The following TCF4 variants were observed in gnomAD, a reference collection of about 807,000 sequenced individuals.
The protein encoded by TCF4 is SL3-3 enhancer factor 2.
TCF4 carries 3 observed loss-of-function variants against 82.1 expected under a neutral mutation model. The observed-to-expected ratio is 0.04, with a 90% confidence interval of 0.02 to 0.09. The LOEUF (loss-of-function observed/expected upper bound fraction) is 0.09, where lower values mean the gene tolerates loss of function less well. Among genes scored for constraint, TCF4 ranks in the 10% least tolerant of loss-of-function variants. The pLI is 1.00. For missense variants in TCF4, 518 were observed against 852.7 expected (o/e 0.61, Z 4.89); for synonymous variants, 276 against 309.6 (o/e 0.89, Z 1.14).
At chr18:55,508,796 T>C (rs1225259666) in intron 3 of TCF4, among the ~76,000 whole-genome samples, 1 of 152,254 alleles carries the variant, frequency 6.6e-6, no homozygotes, top group Non-Finnish European at 1.5e-5. Flanking sequence ...AATAACAAAC[T>C]GCAAATAACA....
chr18:55,532,228 T>G lies in TCF4; in HGVS notation c.145+53052A>C, dbSNP rs150005198. 8.8e-3 allele frequency among the ~76,000 whole-genome samples: 1,334 copies of G among 152,304 alleles called. 5 individuals carry two copies. Among genetic ancestry groups the G allele is most frequent in the Non-Finnish European group, 0.013 (861 of 68,026 alleles). On this transcript the variant is annotated intron_variant, in intron 3 of 19. Transcript: ENST00000354452. ...GAAGTGAATCTTCAATGAACAACCA[T>G]CAGTTCTGGTGATATGATTAAATAT...
intron 6 of TCF4, among the ~76,000 whole-genome samples, chr18:55,372,990 CT>C (rs1028683045): frequency 2.0e-5 from 3 of 151,716 alleles, no homozygotes; most frequent in Admixed American, 2.0e-4. Context: ...AAAAAAAGAC[CT>C]TTTTTTAAGC....
At chr18:55,254,876 C>A (rs571724513) in intron 14 of TCF4, among the ~76,000 whole-genome samples, 176 bp from the exon 15 acceptor site, 1 of 152,044 alleles carries the variant, frequency 6.6e-6, no homozygotes, top group Non-Finnish European at 1.5e-5. Context: ...ACTGGTAGAA[C>A]GTGTTAATGT....
At chr18:55,560,165 C>T (rs551340576) in intron 3 of TCF4, among the ~76,000 whole-genome samples, 3 of 152,202 alleles carry the variant, frequency 2.0e-5, no homozygotes, top group South Asian at 2.1e-4. Context: ...GCTGTACAGA[C>T]GATTTCCGTA....
chr18:55,382,449 T>A (rs75284789), intron 6 of TCF4, among the ~76,000 whole-genome samples: 78 of 152,268 alleles, frequency 5.1e-4, no homozygotes, highest in Non-Finnish European at 8.1e-4. Flanking sequence ...AAGTTGCCAA[T>A]TGAATTGGCA....
At chr18:55,369,804 CT>C (rs1365461386) in intron 6 of TCF4, among the ~76,000 whole-genome samples, 1 of 152,182 alleles carries the variant, frequency 6.6e-6, no homozygotes, top group Admixed American at 6.5e-5. Flanking sequence ...AATTCAGTAG[CT>C]TACTAAACCG....
intron 8 of TCF4, among the ~76,000 whole-genome samples, chr18:55,336,764 C>G (rs985721926): frequency 1.3e-5 from 2 of 152,078 alleles, no homozygotes; most frequent in Non-Finnish European, 2.9e-5. Flanking sequence ...GAAAATTCTG[C>G]TATTAAGAAT....
At chr18:55,552,138 C>G (rs1420341147) in intron 3 of TCF4, among the ~76,000 whole-genome samples, 3 of 152,184 alleles carry the variant, frequency 2.0e-5, no homozygotes, top group Non-Finnish European at 4.4e-5. Flanking sequence ...TCTAGGATTG[C>G]TTTTGGTCTA....
rs567407899 is a variant in TCF4 at position 55,232,870 on chromosome 18, T to C, written c.1487-199A>G. On this transcript the variant is annotated intron_variant, in intron 16 of 19. Transcript: ENST00000354452. ...TCCCTGCATTGGCTCTAAGGTTAAA[T>C]TCTATTTTGCAATCTTTTGGAGTAG... is the stretch of plus-strand genomic sequence containing the variant. Among the ~76,000 whole-genome samples the C allele has an allele frequency of 2.6e-5, 4 of 152,362 alleles. No individual in the cohort carries two copies. The East Asian group carries it at 7.7e-4, about 29-fold the overall frequency.
intron 6 of TCF4, among the ~76,000 whole-genome samples, chr18:55,387,403 C>T (rs1027257915): frequency 6.6e-6 from 1 of 152,226 alleles, no homozygotes; most frequent in African/African-American, 2.4e-5. Flanking sequence ...ACCTTACACA[C>T]TAGCTTCTTA....
rs1057457038 is a variant in TCF4 at position 55,431,184 on chromosome 18, A to G, written c.305-27666T>C. On this transcript the variant is annotated intron_variant, in intron 5 of 19. Transcript: ENST00000354452. Reference sequence around the variant, plus strand: ...GTTGGAGTTTAGTTGCAGCTCTTCTAAGATCACCTACCTCAAATCAAGGAA... The same window carrying G: ...GTTGGAGTTTAGTTGCAGCTCTTCTGAGATCACCTACCTCAAATCAAGGAA... 7.9e-5 allele frequency among the ~76,000 whole-genome samples: 12 copies of G among 152,340 alleles called. No homozygotes were observed. In the East Asian group the frequency reaches 2.3e-3, roughly 29 times the overall value.
intron 3 of TCF4, among the ~76,000 whole-genome samples, chr18:55,563,460 C>T (rs919263434): frequency 1.3e-5 from 2 of 152,082 alleles, no homozygotes; most frequent in Admixed American, 6.5e-5. Context: ...GTCAAAAATG[C>T]CCTGCACTCT....
rs142201992 is a variant in TCF4, at chr18:55,479,380, G to A, written c.146-15243C>T. ...TACCCAATACCTCTGAAAACTAGTG[G>A]TCACCAAACTTGCAGGCCTCTGGTG... On this transcript the variant is annotated intron_variant, in intron 3 of 19. Transcript: ENST00000354452. 1.5e-3 allele frequency: 227 copies of A among 154,388 alleles called. 2 individuals are homozygous for A. The highest frequency in any genetic ancestry group is 5.0e-3 in the African/African-American group (209 of 41,642). 9.6% of individuals were successfully genotyped at this position (154,388 alleles called of 1,614,324 possible).
intron 6 of TCF4, among the ~76,000 whole-genome samples, chr18:55,365,966 TTATAGATATAGATATAGATATAGA>T (rs56944219): frequency 0.28 from 40,296 of 145,182 alleles, 5,778 homozygotes; most frequent in East Asian, 0.52. Context: ...CTAAAATTGT[TTATAGATATAGATATAGATATAGA>T]TATAGATATA....
chr18:55,452,626 C>G (rs373752230), intron 5 of TCF4: 1 of 152,534 alleles, frequency 6.6e-6, no homozygotes, highest in African/African-American at 2.4e-5. Context: ...GAGCTACAGG[C>G]CTGTTGCGTG....
At chr18:55,551,080 A>AT (rs1568377878) in intron 3 of TCF4, 1 of 152,280 alleles carries the variant, frequency 6.6e-6, no homozygotes, top group African/African-American at 2.4e-5. Flanking sequence ...AGTAGCTGGG[A>AT]TTACAGGCAC....
chr18:55,635,559 G>T lies in TCF4; in HGVS notation c.195+144C>A. The stretch of plus-strand genomic sequence containing the variant: ...AAAAAAAGAAAAGACTCTCAAGAGG[G>T]CAGGCCAAGTGCTGTGGAGATGTCA... On this transcript the variant is annotated intron_variant, in intron 1 of 20. Coordinates refer to the TCF4 transcript ENST00000398339. The T allele has an allele frequency of 5.1e-6, 5 of 989,738 alleles. No homozygotes were observed. In the South Asian group the frequency reaches 7.2e-5, roughly 14 times the overall value. The allele number at this position is 989,738 out of a possible 1,614,324, so 61.3% of individuals were successfully genotyped here. A position where few individuals can be genotyped will look rare whatever the true frequency, so the allele number is the denominator to read the frequency against.
At chr18:55,387,145 T>C (rs944563569) in intron 6 of TCF4, among the ~76,000 whole-genome samples, 1 of 152,372 alleles carries the variant, frequency 6.6e-6, no homozygotes, top group South Asian at 2.1e-4. Context: ...CTCCCACTTA[T>C]GGCTCCAAAG....
intron 5 of TCF4, among the ~76,000 whole-genome samples, chr18:55,449,240 G>T (rs1315537049): frequency 6.6e-6 from 1 of 152,064 alleles, no homozygotes; most frequent in Non-Finnish European, 1.5e-5. Flanking sequence ...AGCTAACAGG[G>T]ATCATCCACA....
Sources: gnomAD v4.1 joint callset for allele counts (sites outside exome capture counted in the v4.1 genomes callset) on GRCh38, gnomAD v4.1.1 for gene constraint, MANE v1.5 for transcripts, NCBI Gene and HGNC (gene_info 2026-07-23, HGNC 2026-07-21) for gene names.